The following MYL12B variants were observed in gnomAD, a reference collection of about 807,000 sequenced individuals.
MYL12B encodes myosin regulatory light chain 12B.
Under a neutral mutation model 12.9 loss-of-function variants are expected in MYL12B, and 3 were observed. The ratio of observed to expected loss-of-function variants is 0.23; its 90% CI spans 0.11 to 0.60. The LOEUF (loss-of-function observed/expected upper bound fraction) is 0.60, where lower values mean the gene tolerates loss of function less well. MYL12B is among the 20% of genes least tolerant of loss of function. MYL12B has a pLI of 0.89. For missense variants in MYL12B, 120 were observed against 215.4 expected, an observed-to-expected ratio of 0.56 and a Z score of 2.77; for synonymous variants, 57 against 71.9, an observed-to-expected ratio of 0.79 and a Z score of 1.05.
chr18:3,270,372 C>A (rs140088187), intron 1 of MYL12B, among the ~76,000 whole-genome samples: 1 of 152,094 alleles, frequency 6.6e-6, no homozygotes, highest in African/African-American at 2.4e-5. Flanking sequence ...TATATCTGCT[C>A]TAACATATTT....
intron 1 of MYL12B, among the ~76,000 whole-genome samples, chr18:3,271,027 C>A (rs978769988): frequency 6.6e-6 from 1 of 152,176 alleles, no homozygotes; most frequent in South Asian, 2.1e-4. Flanking sequence ...CTAAATAACT[C>A]GATTACAAAA....
At chr18:3,273,954 T>C (rs1028107499) in intron 2 of MYL12B, among the ~76,000 whole-genome samples, 1 of 151,974 alleles carries the variant, frequency 6.6e-6, no homozygotes, top group African/African-American at 2.4e-5. Context: ...AAGTAAAGTT[T>C]AGGTGTGTAC....
chr18:3,267,254 C>T (rs1425907658), intron 1 of MYL12B, among the ~76,000 whole-genome samples: 13 of 152,118 alleles, frequency 8.5e-5, no homozygotes, highest in African/African-American at 2.9e-4. Context: ...CTTTAAGAGC[C>T]GTATTTACTT....
chr18:3,262,492 A>C (rs4133581), intron 1 of MYL12B: 88,744 of 152,144 alleles, frequency 0.58, 27,998 homozygotes, highest in Non-Finnish European at 0.7. Flanking sequence ...TGGAGCCGGT[A>C]TGGGGAGACG....
intron 1 of MYL12B, among the ~76,000 whole-genome samples, chr18:3,264,256 A>G (rs915898319): frequency 6.6e-6 from 1 of 152,200 alleles, no homozygotes; most frequent in African/African-American, 2.4e-5. Context: ...AAAGAACTAT[A>G]TATGTATATA....
At chr18:3,272,800 A>T (rs6506097) in intron 1 of MYL12B, 84 bp from the exon 2 acceptor site, 1,183,376 of 1,220,846 alleles carry the variant, frequency 0.97, 573,940 homozygotes, top group Non-Finnish European at 0.98. Context: ...TTTTACCTAC[A>T]GACTTTAGGT....
chr18:3,277,127 G>T, intron 2 of MYL12B, 126 bp from the exon 3 acceptor site: 2 of 1,260,832 alleles, frequency 1.6e-6, no homozygotes, highest in Non-Finnish European at 1.0e-6. Context: ...TGTTCTTAAA[G>T]TTAATTGAAA....
chr18:3,274,944 C>G (rs2081716481), intron 2 of MYL12B, among the ~76,000 whole-genome samples: 1 of 152,192 alleles, frequency 6.6e-6, no homozygotes, highest in African/African-American at 2.4e-5. Context: ...CCCATATGAT[C>G]CAGCAATCCC....
At chr18:3,274,196 G>T (rs2081708892) in intron 2 of MYL12B, among the ~76,000 whole-genome samples, 1 of 152,130 alleles carries the variant, frequency 6.6e-6, no homozygotes, top group Non-Finnish European at 1.5e-5. Context: ...ATGTTCTTGG[G>T]CAAGTCAGTA....
chr18:3,275,370 A>G (rs2081720681), intron 2 of MYL12B, among the ~76,000 whole-genome samples: 2 of 152,206 alleles, frequency 1.3e-5, no homozygotes, highest in South Asian at 4.1e-4. Context: ...TATAGATAGA[A>G]TGAATAAGAT....
At chr18:3,268,428 T>G (rs1307220120) in intron 1 of MYL12B, among the ~76,000 whole-genome samples, 1 of 152,202 alleles carries the variant, frequency 6.6e-6, no homozygotes, top group Admixed American at 6.5e-5. Flanking sequence ...TGGTTAAACA[T>G]TAATAAATTG....
chr18:3,277,078 C>CA, intron 2 of MYL12B, 175 bp from the exon 3 acceptor site: 1 of 935,382 alleles, frequency 1.1e-6, no homozygotes, highest in East Asian at 1.2e-4. Flanking sequence ...AATGATGTAT[C>CA]CAATATTTTT....
intron 1 of MYL12B, among the ~76,000 whole-genome samples, chr18:3,267,729 T>C (rs2081644968): frequency 6.6e-6 from 1 of 152,202 alleles, no homozygotes; most frequent in South Asian, 2.1e-4. Context: ...CTGTGCTTAA[T>C]TTATAAATTA....
At chr18:3,276,354 C>A in intron 2 of MYL12B, 1 of 892,614 alleles carries the variant, frequency 1.1e-6, no homozygotes, top group Non-Finnish European at 1.3e-6. Flanking sequence ...ACCACGGGGC[C>A]TCAAAAACAC....
intron 2 of MYL12B, 120 bp downstream of exon 2, chr18:3,273,202 T>C: frequency 8.7e-7 from 1 of 1,145,040 alleles, no homozygotes; most frequent in African/African-American, 1.6e-5. Context: ...TCTGGAGAGA[T>C]TTCTGGGTGT....
intron 1 of MYL12B, chr18:3,263,019 G>A (rs1263256268): frequency 6.6e-6 from 1 of 152,312 alleles, no homozygotes; most frequent in Non-Finnish European, 1.5e-5. Flanking sequence ...ATGTGTGGGA[G>A]GTGGTAACGA....
chr18:3,277,732 G>A (rs759051676), intron 3 of MYL12B, 33 bp from the exon 4 acceptor site: 5 of 1,589,056 alleles, frequency 3.1e-6, no homozygotes, highest in Non-Finnish European at 3.4e-6. Context: ...AGGAAGTATT[G>A]ATGACTGCTT....
At position 3,272,639 on chromosome 18, in the gene MYL12B, T is replaced by G. The variant is rs147182877; in HGVS notation, c.-15-245T>G. 1.6e-3 allele frequency among the ~76,000 whole-genome samples: 244 copies of G among 152,316 alleles called. 2 individuals are homozygous for G. Among genetic ancestry groups the G allele is most frequent in the African/African-American group, 5.4e-3 (226 of 41,574 alleles). On this transcript the variant is annotated intron_variant, in intron 1 of 3. Transcript: ENST00000237500. The stretch of plus-strand genomic sequence containing the variant: ...TTGGCCTCCCAAAGTGTTGGGATTA[T>G]AGGCATGAGCCACTGGTGTCTGGCA...
chr18:3,264,743 A>G (rs1372999), intron 1 of MYL12B, among the ~76,000 whole-genome samples: 55,789 of 152,080 alleles, frequency 0.37, 12,664 homozygotes, highest in African/African-American at 0.64. Context: ...ATATGAATAT[A>G]TACTGTACAA....
Sources: allele counts gnomAD v4.1 joint callset (sites outside exome capture counted in the v4.1 genomes callset), GRCh38; gene constraint gnomAD v4.1.1; transcripts MANE v1.5; gene names NCBI Gene and HGNC (gene_info 2026-07-23, HGNC 2026-07-21).